The following LRP12 variants were observed in gnomAD, a reference collection of about 807,000 sequenced individuals.
The protein encoded by LRP12 is LDL receptor related protein 12, also known as low-density lipoprotein receptor-related protein 12.
LRP12 carries 14 observed loss-of-function variants against 66.0 expected under a neutral mutation model. That is an observed-to-expected ratio of 0.21 (90% CI 0.14 to 0.33). LRP12 has a LOEUF of 0.33. LRP12 is among the 10% of genes least tolerant of loss of function. The pLI is 1.00. For missense variants in LRP12, 889 were observed against 1,053.4 expected, an observed-to-expected ratio of 0.84 and a Z score of 2.16; for synonymous variants, 357 against 359.1, an observed-to-expected ratio of 0.99 and a Z score of 0.07.
chr8:104,556,496 A>C (rs1811810362), intron 1 of LRP12, among the ~76,000 whole-genome samples: 1 of 152,212 alleles, frequency 6.6e-6, no homozygotes, highest in South Asian at 2.1e-4. Context: ...AGATCATTCA[A>C]GGCTACTACA....
intron 1 of LRP12, among the ~76,000 whole-genome samples, chr8:104,569,990 T>A (rs1812054906): frequency 6.6e-6 from 1 of 152,136 alleles, no homozygotes; most frequent in Non-Finnish European, 1.5e-5. Context: ...TCACATTTCA[T>A]ATACATGCAA....
At chr8:104,527,256 T>C (rs1811253038) in intron 2 of LRP12, among the ~76,000 whole-genome samples, 1 of 142,780 alleles carries the variant, frequency 7.0e-6, no homozygotes, top group African/African-American at 2.9e-5. Flanking sequence ...AGTTCAACCA[T>C]GGTGGAAGTC....
In LRP12 at chr8:104,490,641, C is replaced by G; in HGVS notation, c.*32G>C. On this transcript the variant is annotated 3_prime_UTR_variant, in exon 7 of 7. Coordinates refer to ENST00000276654, the MANE Select transcript of LRP12 (RefSeq NM_013437.5). The stretch of plus-strand genomic sequence containing the variant: ...AAATAATAAATGGATATTGCTCCAA[C>G]TTGTATACAATCTCCCTTATGTGAT... The G allele has an allele frequency of 6.4e-7, 1 of 1,550,740 alleles. No homozygotes were observed. Among genetic ancestry groups the G allele is most frequent in the Non-Finnish European group, 8.7e-7 (1 of 1,151,660 alleles).
chr8:104,500,429 C>T (rs528060215), intron 3 of LRP12, among the ~76,000 whole-genome samples: 28 of 152,272 alleles, frequency 1.8e-4, no homozygotes, highest in East Asian at 9.7e-4. Context: ...AACTCCTGGC[C>T]GGGCATGGTG....
chr8:104,569,683 C>A lies in LRP12; in HGVS notation c.79+19136G>T, dbSNP rs1442262724. Among the ~76,000 whole-genome samples, 3 of 151,996 alleles carry A rather than the reference C, an allele frequency of 2.0e-5. No individual in the cohort carries two copies. In the East Asian group the frequency reaches 5.8e-4, roughly 29 times the overall value. ...GAACATCCTCAACTTGGTAAAAAGG[C>A]ATCTACAAAAACCTTACAGCTAACA... On this transcript the variant is annotated intron_variant, in intron 1 of 6. Coordinates refer to ENST00000276654, the MANE Select transcript of LRP12 (RefSeq NM_013437.5).
chr8:104,506,774 C>G lies in LRP12; in HGVS notation c.272+2165G>C, dbSNP rs555877386. 3 of 152,158 alleles carry G rather than the reference C, an allele frequency of 2.0e-5. No individual in the cohort carries two copies. The South Asian group carries it at 6.2e-4, about 32-fold the overall frequency. The allele number at this position is 152,158 out of a possible 1,614,324, so 9.4% of individuals were successfully genotyped here. A position where few individuals can be genotyped will look rare whatever the true frequency, so the allele number is the denominator to read the frequency against. ...TGGCCTTTGTTGATTATAGTGGGTT[C>G]CAAGGGAGAGGAATGAAGTAAAAAT... On this transcript the variant is annotated intron_variant, in intron 3 of 6. Coordinates refer to ENST00000276654, the MANE Select transcript of LRP12 (RefSeq NM_013437.5).
intron 4 of LRP12, 59 bp downstream of exon 4, chr8:104,499,258 T>G: frequency 7.6e-7 from 1 of 1,312,468 alleles, no homozygotes; most frequent in South Asian, 1.3e-5. Flanking sequence ...AGCTCCGAAG[T>G]GACAGAGCAG....
At chr8:104,562,953 A>G (rs917473663) in intron 1 of LRP12, among the ~76,000 whole-genome samples, 4 of 152,150 alleles carry the variant, frequency 2.6e-5, no homozygotes, top group African/African-American at 9.7e-5. Flanking sequence ...GAGTTCTAGT[A>G]ATAAATTTTA....
chr8:104,511,897 CTTT>C (rs1416135163), intron 2 of LRP12, among the ~76,000 whole-genome samples: 4 of 150,516 alleles, frequency 2.7e-5, no homozygotes, highest in Non-Finnish European at 5.9e-5. Context: ...GTCAAAGCTT[CTTT>C]TTTTCTTTTT....
At chr8:104,552,070 A>G (rs1811733926) in intron 1 of LRP12, among the ~76,000 whole-genome samples, 1 of 152,238 alleles carries the variant, frequency 6.6e-6, no homozygotes. Context: ...GAGTGAACGA[A>G]GTCAGAAAGC....
intron 3 of LRP12, chr8:104,504,782 C>T (rs1443733245): frequency 1.3e-5 from 2 of 152,132 alleles, no homozygotes; most frequent in South Asian, 4.1e-4. Flanking sequence ...TTAAAAATCT[C>T]CCACTGCAAC....
intron 3 of LRP12, among the ~76,000 whole-genome samples, chr8:104,500,997 T>C (rs1055190074): frequency 2.0e-5 from 3 of 152,264 alleles, no homozygotes; most frequent in African/African-American, 4.8e-5. Context: ...TTATCACTTC[T>C]ATTTAGCATG....
At chr8:104,565,564 A>T (rs915090942) in intron 1 of LRP12, among the ~76,000 whole-genome samples, 1 of 151,754 alleles carries the variant, frequency 6.6e-6, no homozygotes, top group African/African-American at 2.4e-5. Context: ...ACCCATAAAA[A>T]TATATACAAC....
Position 104,490,913 on chromosome 8 carries a change from A to C in LRP12, c.2340T>G (p.Ser780=). The C allele has an allele frequency of 6.2e-7, 1 of 1,614,168 alleles. No individual in the cohort carries two copies. The highest frequency in any genetic ancestry group is 2.2e-5 in the East Asian group (1 of 44,892). ...TCACATCAAAGTCTGAAGATCCATCAGAAATTGGAATTAGCATTTCAACAT... is the reference window on the plus strand; with the variant it reads ...TCACATCAAAGTCTGAAGATCCATCCGAAATTGGAATTAGCATTTCAACAT... The part of the protein sequence containing the change: ...DDDVEMLIPI[S]DGSSDFDVND... Residue 780 remains serine, a synonymous_variant, in exon 7 of 7, where the codon TCT becomes TCG. Transcript: ENST00000276654.
intron 1 of LRP12, among the ~76,000 whole-genome samples, chr8:104,550,852 C>G (rs146253596): frequency 5.3e-5 from 8 of 152,246 alleles, no homozygotes; most frequent in African/African-American, 9.6e-5. Context: ...GGTTTTCCTA[C>G]TTTTGGTCTC....
chr8:104,548,933 C>G (rs1002818775), intron 1 of LRP12, among the ~76,000 whole-genome samples: 12 of 145,234 alleles, frequency 8.3e-5, no homozygotes, highest in African/African-American at 3.1e-4. Flanking sequence ...AGCAAAACTC[C>G]GTCAAAAATA....
intron 3 of LRP12, among the ~76,000 whole-genome samples, chr8:104,500,392 T>A (rs1332856239): frequency 6.6e-6 from 1 of 152,196 alleles, no homozygotes; most frequent in Non-Finnish European, 1.5e-5. Flanking sequence ...GTTTCCAGGT[T>A]TGCACTATTA....
At chr8:104,524,364 T>C (rs7812405) in intron 2 of LRP12, among the ~76,000 whole-genome samples, 3,479 of 152,240 alleles carry the variant, frequency 0.023, 91 homozygotes, top group African/African-American at 0.062. Flanking sequence ...ACTTAAACTT[T>C]TGGAGAATCA....
rs146868117 is a variant in LRP12, at chr8:104,499,426, A to G, written c.366T>C (p.Cys122=). ...TYKNIESYRA[C]GSTIPPPYIS... ...TATACGGAGGTGGAATTGTGGAACCACAAGCTCTGTAACTTTCAATATTCT... is the reference window on the plus strand; with the variant it reads ...TATACGGAGGTGGAATTGTGGAACCGCAAGCTCTGTAACTTTCAATATTCT... The change falls in exon 4 of 7, where the codon TGT becomes TGC. Residue 122 remains cysteine, a synonymous_variant. Transcript: ENST00000276654. 6.4e-5 allele frequency: 104 copies of G among 1,613,646 alleles called. No homozygotes were observed. The highest frequency in any genetic ancestry group is 1.7e-6 in the Non-Finnish European group (2 of 1,179,682).
Sources: gnomAD v4.1 joint callset for allele counts (sites outside exome capture counted in the v4.1 genomes callset) on GRCh38, gnomAD v4.1.1 for gene constraint, MANE v1.5 for transcripts, NCBI Gene and HGNC (gene_info 2026-07-23, HGNC 2026-07-21) for gene names.